The following AHCTF1 variants were observed in gnomAD, a reference collection of about 807,000 sequenced individuals.
The protein encoded by AHCTF1 is AT-hook containing transcription factor 1.
In AHCTF1, 24 loss-of-function variants were observed where a neutral mutation model predicts 248.4. That is an observed-to-expected ratio of 0.10 (90% CI 0.07 to 0.14). The LOEUF is 0.14. Among genes scored for constraint, AHCTF1 ranks in the 10% least tolerant of loss-of-function variants. AHCTF1 has a pLI of 1.00. For missense variants in AHCTF1, 2,206 were observed against 2,636.2 expected (o/e 0.84, Z 3.57); for synonymous variants, 786 against 929.8 (o/e 0.85, Z 2.81).
chr1:246,878,499 T>C (rs1409918932), intron 21 of AHCTF1, among the ~76,000 whole-genome samples: 2 of 151,988 alleles, frequency 1.3e-5, no homozygotes, highest in African/African-American at 4.8e-5. Flanking sequence ...TCATTAGTTT[T>C]TTAAAAAGCA....
Position 246,919,436 on chromosome 1 carries a change from G to A in AHCTF1, c.-7-1059C>T, listed in dbSNP as rs552506204. Among the ~76,000 whole-genome samples, 92 of 152,230 alleles carry A rather than the reference G, an allele frequency of 6.0e-4. No homozygotes were observed. The South Asian group carries it at 0.018, about 30-fold the overall frequency. On this transcript the variant is annotated intron_variant, in intron 1 of 35. Coordinates refer to ENST00000648844, the MANE Select transcript of AHCTF1 (RefSeq NM_001323342.2). The stretch of plus-strand genomic sequence containing the variant: ...GTTATATGGAAATCCTCAAGAGGCC[G>A]GGCGTGGTGGCTCACGCCTGTAATC...
At position 246,931,888 on chromosome 1, in the gene AHCTF1, T is replaced by G. The variant is rs970067140; in HGVS notation, c.-318A>C. On this transcript the variant is annotated 5_prime_UTR_variant, in exon 1 of 36. Transcript: ENST00000648844. ...TTCTGGGTCCTTCCCCTTGCAACGCTGCCTGCTCGCCTCGGACAGCGCCGG... is the reference window on the plus strand; with the variant it reads ...TTCTGGGTCCTTCCCCTTGCAACGCGGCCTGCTCGCCTCGGACAGCGCCGG... 6.6e-6 allele frequency: 1 copy of G among 152,602 alleles called. No individual in the cohort carries two copies. Among genetic ancestry groups the G allele is most frequent in the East Asian group, 1.9e-4 (1 of 5,166 alleles). The allele number at this position is 152,602 out of a possible 1,614,324, so 9.5% of individuals were successfully genotyped here.
intron 24 of AHCTF1, among the ~76,000 whole-genome samples, chr1:246,868,879 C>T (rs1309532242): frequency 6.9e-6 from 1 of 144,614 alleles, no homozygotes; most frequent in East Asian, 2.0e-4. Flanking sequence ...GAGTCTCGCT[C>T]TGTCACCCAG....
chr1:246,908,754 G>A (rs1291293142), intron 4 of AHCTF1, among the ~76,000 whole-genome samples: 2 of 151,032 alleles, frequency 1.3e-5, no homozygotes, highest in African/African-American at 2.4e-5. Context: ...AATTAGCCGG[G>A]CATGGCGGCG....
chr1:246,877,165 G>A lies in AHCTF1; in HGVS notation c.2798C>T (p.Thr933Ile). The stretch of plus-strand genomic sequence containing the variant: ...ACATCGGTAAGTAATTACCTGCTCA[G>A]TGTCTGTAAATGGTAACTTCAGTAA... ...EDLLKLPFTD[T>I]EQECLVKFLQ... Residue 933 changes from threonine (T) to isoleucine (I), a missense_variant, in exon 22 of 36, where the codon ACT (threonine) becomes ATT (isoleucine). Coordinates refer to ENST00000648844, the MANE Select transcript of AHCTF1 (RefSeq NM_001323342.2). The A allele has an allele frequency of 6.2e-7, 1 of 1,612,828 alleles. No individual in the cohort carries two copies. Among genetic ancestry groups the A allele is most frequent in the Non-Finnish European group, 8.5e-7 (1 of 1,179,860 alleles).
chr1:246,891,750 A>G (rs1664219103), intron 15 of AHCTF1, 29 bp downstream of exon 15: 1 of 1,601,752 alleles, frequency 6.2e-7, no homozygotes, highest in South Asian at 1.1e-5. Context: ...ATTTAATAAA[A>G]CACTCATTTG....
In AHCTF1 at chr1:246,843,386, T is replaced by TA. The variant is rs1410182453; in HGVS notation, c.6525+408dup. On this transcript the variant is annotated intron_variant, in intron 34 of 35. Transcript: ENST00000648844. ...TCTTGTGTAATTTGCCCTTGCAGAG[T>TA]AGCAGACTCATGGCAGATAATTCAA... 2.6e-5 allele frequency among the ~76,000 whole-genome samples: 4 copies of TA among 152,318 alleles called. No homozygotes were observed. The East Asian group carries it at 7.7e-4, about 29-fold the overall frequency.
chr1:246,866,964 C>A (rs973405795), intron 26 of AHCTF1, among the ~76,000 whole-genome samples: 1 of 152,128 alleles, frequency 6.6e-6, no homozygotes, highest in Non-Finnish European at 1.5e-5. Context: ...GGTCTACTAA[C>A]AAGCAGGTAA....
At chr1:246,866,372 G>A (rs780302772) in intron 26 of AHCTF1, among the ~76,000 whole-genome samples, 4 of 152,028 alleles carry the variant, frequency 2.6e-5, no homozygotes, top group Admixed American at 6.6e-5. Context: ...CGGTAATAAC[G>A]ACTTTCATTT....
chr1:246,922,105 AT>A (rs1187317390), intron 1 of AHCTF1, among the ~76,000 whole-genome samples: 1 of 152,196 alleles, frequency 6.6e-6, no homozygotes, highest in Non-Finnish European at 1.5e-5. Context: ...CACGCCTGTA[AT>A]CCCAGCACTT....
At chr1:246,922,962 G>C (rs1484547705) in intron 1 of AHCTF1, among the ~76,000 whole-genome samples, 2 of 122,516 alleles carry the variant, frequency 1.6e-5, no homozygotes, top group African/African-American at 3.2e-5. Flanking sequence ...TAGCCTGGGC[G>C]ACAGAGCGAG....
chr1:246,899,378 C>A (rs1664838062), intron 11 of AHCTF1, 73 bp downstream of exon 11: 1 of 1,309,084 alleles, frequency 7.6e-7, no homozygotes, highest in African/African-American at 1.5e-5. Context: ...CTAAGTAAAA[C>A]TTAAATCCAT....
intron 12 of AHCTF1, 57 bp from the exon 13 acceptor site, chr1:246,895,982 A>T: frequency 7.0e-7 from 1 of 1,436,188 alleles, no homozygotes. Flanking sequence ...GTGAGATCAT[A>T]GGCAAGTTCT....
chr1:246,854,154 C>T (rs1258720822), intron 31 of AHCTF1, among the ~76,000 whole-genome samples: 1 of 152,038 alleles, frequency 6.6e-6, no homozygotes, highest in Non-Finnish European at 1.5e-5. Flanking sequence ...AAAAAATTAG[C>T]CAGGCGTGGT....
chr1:246,930,906 A>G (rs1667303190), intron 1 of AHCTF1, among the ~76,000 whole-genome samples: 3 of 152,338 alleles, frequency 2.0e-5, no homozygotes, highest in South Asian at 4.1e-4. Context: ...GAACCTCGTA[A>G]GCTTTGAGAA....
chr1:246,864,055 G>C lies in AHCTF1; in HGVS notation c.3409C>G (p.Gln1137Glu), dbSNP rs758878604. Residue 1137 changes from glutamine (Q) to glutamate (E), a missense_variant, in exon 27 of 36, where the codon CAA (glutamine) becomes GAA (glutamate). By Grantham distance (29) the Gln-to-Glu change is conservative. Around this residue, in one of 6 missense-constraint regions of AHCTF1, gnomAD observed 955 missense variants for 1,055.6 expected, o/e 0.90. Transcript: ENST00000648844. ...RPSQCSEFIQ[Q>E]SSMKSPLYLV... is the part of the protein sequence containing the mutation. ...TACAAAGGAGATTTCATGGAGCTTT[G>C]CTGAATAAACTCCGAACACTGAGAA... The C allele has an allele frequency of 6.2e-7, 1 of 1,614,088 alleles. No homozygotes were observed. The highest frequency in any genetic ancestry group is 8.5e-7 in the Non-Finnish European group (1 of 1,179,970).
At chr1:246,868,653 A>G (rs1662224248) in intron 24 of AHCTF1, among the ~76,000 whole-genome samples, 1 of 151,810 alleles carries the variant, frequency 6.6e-6, no homozygotes, top group Non-Finnish European at 1.5e-5. Context: ...GTTTTCTAGA[A>G]GTTGGACATG....
intron 23 of AHCTF1, 148 bp from the exon 24 acceptor site, chr1:246,876,335 C>CA: frequency 1.5e-6 from 1 of 653,088 alleles, no homozygotes; most frequent in South Asian, 3.1e-5. Flanking sequence ...GAACTTCATC[C>CA]ACATATCTAA....
chr1:246,923,911 C>T (rs1040848108), intron 1 of AHCTF1, among the ~76,000 whole-genome samples: 4 of 152,188 alleles, frequency 2.6e-5, no homozygotes, highest in Non-Finnish European at 5.9e-5. Context: ...TAACTACATA[C>T]TATGCCACAG....
Sources: allele counts gnomAD v4.1 joint callset (sites outside exome capture counted in the v4.1 genomes callset), GRCh38; gene constraint gnomAD v4.1.1; regional missense constraint gnomAD v4.1.1; transcripts MANE v1.5; gene names NCBI Gene and HGNC (gene_info 2026-07-23, HGNC 2026-07-21).